CHERP: variants seen among roughly 807,000 people sequenced by gnomAD.
CHERP encodes calcium homeostasis endoplasmic reticulum protein.
Under a neutral mutation model 113.8 loss-of-function variants are expected in CHERP, and 8 were observed. The observed-to-expected ratio is 0.07, with a 90% CI of 0.04 to 0.13. The LOEUF (loss-of-function observed/expected upper bound fraction) is 0.13, where lower values mean the gene tolerates loss of function less well. CHERP is among the 10% of genes least tolerant of loss of function. The probability of loss-of-function intolerance (pLI) is 1.00; values close to 1 mark genes in which losing one functional copy is unlikely to be tolerated. For synonymous variants in CHERP, 559 were observed against 524.5 expected (o/e 1.07, Z -0.90); for missense variants, 884 against 1,298.2 (o/e 0.68, Z 4.90).
rs1357495947 is a variant in CHERP, at chr19:16,525,651, G to A, written c.1332C>T (p.His444=). 6.6e-7 allele frequency: 1 copy of A among 1,524,028 alleles called. No individual in the cohort carries two copies. The highest frequency in any genetic ancestry group is 8.8e-7 in the Non-Finnish European group (1 of 1,137,518). 94.4% of individuals were successfully genotyped at this position (1,524,028 alleles called of 1,614,324 possible). A position where few individuals can be genotyped will look rare whatever the true frequency, so the allele number is the denominator to read the frequency against. The change falls in exon 10 of 17, where the codon CAC becomes CAT. Residue 444 remains histidine, a synonymous_variant. Coordinates refer to ENST00000546361, the MANE Select transcript of CHERP (RefSeq NM_006387.6). The surrounding 1 kb of genome is among the most constrained non-coding windows in gnomAD (Gnocchi z 6.5). The part of the protein sequence containing the change: ...QQPPEQPPYP[H]HQGGPPHCPP... Reference sequence around the variant, plus strand: ...GGCAGTGGGGTGGGCCGCCCTGGTGGTGCGGGTAGGGTGGCTGCTCTGGCG... The same window carrying A: ...GGCAGTGGGGTGGGCCGCCCTGGTGATGCGGGTAGGGTGGCTGCTCTGGCG...
chr19:16,525,411 C>T lies in CHERP; in HGVS notation c.1572G>A (p.Gly524=), dbSNP rs1172529029. The change falls in exon 10 of 17, where the codon GGG becomes GGA. Residue 524 remains glycine, a synonymous_variant. Transcript: ENST00000546361. The surrounding 1 kb of genome is among the most constrained non-coding windows in gnomAD (Gnocchi z 6.5). ...GGTGCTGCTGGTGGGGCGGGAAGGGCCCCCGGAAGTGTGGGGGCCGCTGCA... is the reference window on the plus strand; with the variant it reads ...GGTGCTGCTGGTGGGGCGGGAAGGGTCCCCGGAAGTGTGGGGGCCGCTGCA... The part of the protein sequence containing the change: ...FRMQRPPHFR[G]PFPPHQQHPQ... 2 of 1,508,144 alleles carry T rather than the reference C, an allele frequency of 1.3e-6. No individual in the cohort carries two copies. The highest frequency in any genetic ancestry group is 1.4e-5 in the African/African-American group (1 of 71,086). The allele number at this position is 1,508,144 out of a possible 1,614,324, so 93.4% of individuals were successfully genotyped here. A position where few individuals can be genotyped will look rare whatever the true frequency, so the allele number is the denominator to read the frequency against.
intron 10 of CHERP, among the ~76,000 whole-genome samples, chr19:16,524,779 T>A (rs1363484026): frequency 6.6e-6 from 1 of 151,708 alleles, no homozygotes; most frequent in African/African-American, 2.4e-5. Context: ...GTTTTTTTTT[T>A]TTGAGACAGC....
chr19:16,525,610 CTGT>C lies in CHERP; in HGVS notation c.1370_1372del (p.Asn457del). ...CTGCTCGCCCCACATGCCCTCATGG[CTGT>C]TGTTCCAGGGGGGGCAGTGGGGTGG... On this transcript the variant is annotated inframe_deletion, in exon 10 of 17. Transcript: ENST00000546361. This position sits in a 1 kb window ranked among gnomAD's most constrained non-coding sequence, Gnocchi z 6.5. 6.5e-7 allele frequency: 1 copy of C among 1,535,150 alleles called. No individual in the cohort carries two copies. The highest frequency in any genetic ancestry group is 8.7e-7 in the Non-Finnish European group (1 of 1,143,470).
rs2085787273 is a variant in CHERP at position 16,542,416 on chromosome 19, A to ATCGG, written c.-39_-38insCCGA. 7.5e-7 allele frequency: 1 copy of ATCGG among 1,335,840 alleles called. No homozygotes were observed. Among genetic ancestry groups the ATCGG allele is most frequent in the Admixed American group, 3.1e-5 (1 of 31,756 alleles). 82.7% of individuals were successfully genotyped at this position (1,335,840 alleles called of 1,614,324 possible). ...GGGGAACGTCCTCCGGCGCCACACG[A>ATCGG]TCGACCACCAGCGCCGTCTGCGGAA... On this transcript the variant is annotated 5_prime_UTR_variant, in exon 1 of 17. Transcript: ENST00000546361.
chr19:16,519,113 C>T lies in CHERP; in HGVS notation c.*46G>A, dbSNP rs573469903. 4 of 1,560,868 alleles carry T rather than the reference C, an allele frequency of 2.6e-6. No individual in the cohort carries two copies. The highest frequency in any genetic ancestry group is 1.7e-6 in the Non-Finnish European group (2 of 1,147,536). ...CTCTGCCAGTCAGCCAGGAAGGTCC[C>T]ACAGCCGGCACCGCTGGCCACCGGC... On this transcript the variant is annotated 3_prime_UTR_variant, in exon 17 of 17. Transcript: ENST00000546361. This position sits in a 1 kb window ranked among gnomAD's most constrained non-coding sequence, Gnocchi z 6.0.
At chr19:16,521,763 G>T (rs1311769092) in intron 11 of CHERP, 109 bp from the exon 12 acceptor site, 5 of 1,082,238 alleles carry the variant, frequency 4.6e-6, no homozygotes, top group Non-Finnish European at 6.2e-6. Context: ...AGTGTCAAGG[G>T]TACCCTGGGC....
intron 2 of CHERP, among the ~76,000 whole-genome samples, chr19:16,539,234 G>A (rs1237838681): frequency 1.4e-5 from 2 of 145,440 alleles, no homozygotes; most frequent in African/African-American, 2.6e-5. Flanking sequence ...TGCAAGCTCT[G>A]CCTCCCAGGT....
At chr19:16,538,422 C>T (rs1568264835) in intron 2 of CHERP, among the ~76,000 whole-genome samples, 4 of 152,200 alleles carry the variant, frequency 2.6e-5, no homozygotes, top group South Asian at 2.1e-4. Flanking sequence ...CGATGGCTCA[C>T]GCCTGTAATC....
rs867881416 is a variant in CHERP, at chr19:16,531,283, T to C, written c.675-403A>G. ...GGGGTCTTGTCCTTGTCACTCACTA[T>C]GCACAAGGAAACCTCGGCCCAGGCC... On this transcript the variant is annotated intron_variant, in intron 5 of 16. Coordinates refer to ENST00000546361, the MANE Select transcript of CHERP (RefSeq NM_006387.6). Among the ~76,000 whole-genome samples the C allele has an allele frequency of 5.0e-4, 76 of 152,336 alleles. 1 individual carries two copies. Among genetic ancestry groups the C allele is most frequent in the African/African-American group, 1.5e-3 (61 of 41,580 alleles).
chr19:16,529,241 C>G (rs1407561674), intron 8 of CHERP, among the ~76,000 whole-genome samples: 1 of 152,196 alleles, frequency 6.6e-6, no homozygotes, highest in Non-Finnish European at 1.5e-5. Context: ...TAATCTCAAA[C>G]TCCTGGGCTC....
intron 11 of CHERP, among the ~76,000 whole-genome samples, chr19:16,522,592 T>C (rs956359526): frequency 7.2e-5 from 11 of 152,092 alleles, no homozygotes; most frequent in Non-Finnish European, 7.4e-5. Context: ...CCTCTTGCCC[T>C]ATGCTCCGGC....
At chr19:16,526,750 G>GCC (rs1328236403) in intron 9 of CHERP, among the ~76,000 whole-genome samples, 1 of 151,522 alleles carries the variant, frequency 6.6e-6, no homozygotes, top group East Asian at 2.0e-4. Context: ...ACAGGCGTTA[G>GCC]CCACCACGCC....
chr19:16,518,461 T>C lies in CHERP; in HGVS notation c.*698A>G, dbSNP rs914566719. 2.0e-5 allele frequency: 3 copies of C among 152,100 alleles called. No individual in the cohort carries two copies. The highest frequency in any genetic ancestry group is 4.4e-5 in the Non-Finnish European group (3 of 68,018). The allele number at this position is 152,100 out of a possible 1,614,324, so 9.4% of individuals were successfully genotyped here. A position where few individuals can be genotyped will look rare whatever the true frequency, so the allele number is the denominator to read the frequency against. ...ATGGCTACATTCCAGAAAAAAAATA[T>C]CAACTTATACAACTAAAATAACTGA... On this transcript the variant is annotated 3_prime_UTR_variant, in exon 17 of 17. Coordinates refer to ENST00000546361, the MANE Select transcript of CHERP (RefSeq NM_006387.6).
chr19:16,538,268 G>A (rs921518865), intron 2 of CHERP, among the ~76,000 whole-genome samples: 3 of 152,160 alleles, frequency 2.0e-5, no homozygotes, highest in African/African-American at 7.2e-5. Context: ...GCCACCCTAA[G>A]CTCTGGGTTC....
intron 11 of CHERP, 85 bp downstream of exon 11, chr19:16,522,967 G>A (rs539292080): frequency 3.4e-5 from 49 of 1,434,356 alleles, no homozygotes; most frequent in South Asian, 1.6e-4. Flanking sequence ...GAAGGCACCC[G>A]GTCCCGTGCA....
rs923567455 is a variant in CHERP, at chr19:16,530,396, G to A, written c.876+189C>T. Among the ~76,000 whole-genome samples, 2 of 152,228 alleles carry A rather than the reference G, an allele frequency of 1.3e-5. No homozygotes were observed. The highest frequency in any genetic ancestry group is 6.5e-5 in the Admixed American group (1 of 15,284). On this transcript the variant is annotated intron_variant, in intron 7 of 16. Coordinates refer to ENST00000546361, the MANE Select transcript of CHERP (RefSeq NM_006387.6). The surrounding 1 kb of genome is among the most constrained non-coding windows in gnomAD (Gnocchi z 4.1). ...TCTAGTGTTCCAGGAAAGTCAGGGA[G>A]ACACACCTAAGGCCTGGGAAATGTC...
chr19:16,542,125 G>A lies in CHERP; in HGVS notation c.26-82C>T, dbSNP rs1389815515. On this transcript the variant is annotated intron_variant, in intron 1 of 16. Coordinates refer to ENST00000546361, the MANE Select transcript of CHERP (RefSeq NM_006387.6). Reference sequence around the variant, plus strand: ...GGACTCGGCGCCCCAGCCCCCGTCCGCCTTGCCGGGGACCCCAAGGGGGTG... The same window carrying A: ...GGACTCGGCGCCCCAGCCCCCGTCCACCTTGCCGGGGACCCCAAGGGGGTG... The A allele has an allele frequency of 8.9e-6, 13 of 1,457,898 alleles. No individual in the cohort carries two copies. In the South Asian group the frequency reaches 1.3e-4, roughly 15 times the overall value. 90.3% of individuals were successfully genotyped at this position (1,457,898 alleles called of 1,614,324 possible). A position where few individuals can be genotyped will look rare whatever the true frequency, so the allele number is the denominator to read the frequency against.
chr19:16,539,783 C>T (rs759429781), intron 2 of CHERP: 2 of 152,142 alleles, frequency 1.3e-5, no homozygotes, highest in Non-Finnish European at 2.9e-5. Flanking sequence ...CGACCTGCTC[C>T]ATTTCTGACC....
Position 16,535,198 on chromosome 19 carries a change from C to T in CHERP, c.384+254G>A, listed in dbSNP as rs2085732815. Among the ~76,000 whole-genome samples the T allele has an allele frequency of 6.6e-6, 1 of 152,236 alleles. No homozygotes were observed. The highest frequency in any genetic ancestry group is 2.4e-5 in the African/African-American group (1 of 41,476). ...AGGGAGCTTCAAGGTGCATACGTGC[C>T]CCACAGTCCCACTCAGGGGGGTCCA... On this transcript the variant is annotated intron_variant, in intron 3 of 16. Coordinates refer to ENST00000546361, the MANE Select transcript of CHERP (RefSeq NM_006387.6). This position sits in a 1 kb window ranked among gnomAD's most constrained non-coding sequence, Gnocchi z 4.3.
Sources: gnomAD v4.1 joint callset for allele counts (sites outside exome capture counted in the v4.1 genomes callset) on GRCh38, gnomAD v4.1.1 for gene constraint, Gnocchi (gnomAD v3.1) non-coding constraint, MANE v1.5 for transcripts, NCBI Gene and HGNC (gene_info 2026-07-23, HGNC 2026-07-21) for gene names.